Variants in VLDLR observed in about 807,000 individuals in gnomAD.
VLDLR encodes the protein very low-density lipoprotein receptor.
In VLDLR, 81 loss-of-function variants were observed where a neutral mutation model predicts 112.7. The observed-to-expected ratio is 0.72, with a 90% CI of 0.60 to 0.86. VLDLR has a LOEUF of 0.86. VLDLR is among the 40% of genes least tolerant of loss of function. The probability of loss-of-function intolerance (pLI) is 0.00; values close to 1 mark genes in which losing one functional copy is unlikely to be tolerated. For synonymous variants in VLDLR, 436 were observed against 384.8 expected (o/e 1.13, Z -1.56); for missense variants, 1,237 against 1,099.4 (o/e 1.13, Z -1.77).
chr9:2,632,932 A>G (rs1817422897), intron 1 of VLDLR, among the ~76,000 whole-genome samples: 1 of 152,150 alleles, frequency 6.6e-6, no homozygotes. Context: ...TTATAAAGCC[A>G]GCTTGTCTTC....
In VLDLR at chr9:2,654,205, A is replaced by G. The variant is rs778568814; in HGVS notation, c.*337A>G. The G allele has an allele frequency of 3.0e-6, 1 of 331,522 alleles. No homozygotes were observed. Among genetic ancestry groups the G allele is most frequent in the Non-Finnish European group, 5.8e-6 (1 of 173,866 alleles). The allele number at this position is 331,522 out of a possible 1,614,324, so 20.5% of individuals were successfully genotyped here. On this transcript the variant is annotated 3_prime_UTR_variant, in exon 19 of 19. Transcript: ENST00000382100. ...TATAGTGTATACCACCTGTACATAC[A>G]TTGTATAGGCCATCTGTAAATATCC...
chr9:2,624,282 T>C (rs749145043), intron 1 of VLDLR, among the ~76,000 whole-genome samples: 1 of 152,212 alleles, frequency 6.6e-6, no homozygotes, highest in African/African-American at 2.4e-5. Flanking sequence ...GAGGCAGTTA[T>C]TGACCCTAAA....
chr9:2,630,119 A>G (rs982625142), intron 1 of VLDLR, among the ~76,000 whole-genome samples: 1 of 152,148 alleles, frequency 6.6e-6, no homozygotes, highest in Non-Finnish European at 1.5e-5. Flanking sequence ...AATGTTTCAG[A>G]GGCTGACTTT....
intron 2 of VLDLR, 40 bp from the exon 3 acceptor site, chr9:2,639,819 A>G: frequency 6.2e-7 from 1 of 1,614,028 alleles, no homozygotes; most frequent in Non-Finnish European, 8.5e-7. Context: ...GGCTGTGGGT[A>G]AATGACTTCA....
intron 11 of VLDLR, among the ~76,000 whole-genome samples, chr9:2,647,062 T>C (rs1350202201): frequency 6.6e-6 from 1 of 152,112 alleles, no homozygotes; most frequent in Non-Finnish European, 1.5e-5. Flanking sequence ...CTAAGTAACA[T>C]AGAAGAGCAG....
At chr9:2,648,942 C>T in intron 14 of VLDLR, 132 bp downstream of exon 14, 1 of 1,106,624 alleles carries the variant, frequency 9.0e-7, no homozygotes, top group Non-Finnish European at 1.3e-6. Flanking sequence ...TGTACCCTAC[C>T]TTAAACATTT....
rs1468415070 is a variant in VLDLR at position 2,644,319 on chromosome 9, C to T, written c.1066+360C>T. ...GACTATAGGCGCCCACCACCACGCC[C>T]GGCTAATTTTTTTTTTTTTTTTTGT... On this transcript the variant is annotated intron_variant, in intron 7 of 18. Transcript: ENST00000382100. Among the ~76,000 whole-genome samples, 8 of 127,274 alleles carry T rather than the reference C, an allele frequency of 6.3e-5. No individual in the cohort carries two copies. In the South Asian group the frequency reaches 7.9e-4, roughly 13 times the overall value. The allele number at this position is 127,274 out of a possible 152,430, so 83.5% of individuals were successfully genotyped here. A position where few individuals can be genotyped will look rare whatever the true frequency, so the allele number is the denominator to read the frequency against.
intron 14 of VLDLR, 119 bp from the exon 15 acceptor site, chr9:2,650,251 A>G (rs1818260568): frequency 7.4e-6 from 9 of 1,213,512 alleles, no homozygotes; most frequent in Non-Finnish European, 1.1e-5. Flanking sequence ...AAGGATTAGC[A>G]GAGTAGACAA....
At chr9:2,651,122 T>C (rs1047603483) in intron 15 of VLDLR, among the ~76,000 whole-genome samples, 1 of 152,188 alleles carries the variant, frequency 6.6e-6, no homozygotes, top group Non-Finnish European at 1.5e-5. Context: ...TGAGAACATT[T>C]CTCGTAGTTT....
Position 2,654,871 on chromosome 9 carries a change from A to G in VLDLR, c.*1003A>G, listed in dbSNP as rs1394916256. 1 of 150,722 alleles carries G rather than the reference A, an allele frequency of 6.6e-6. No homozygotes were observed. Among genetic ancestry groups the G allele is most frequent in the Middle Eastern group, 3.2e-3 (1 of 314 alleles). The allele number at this position is 150,722 out of a possible 1,614,324, so 9.3% of individuals were successfully genotyped here. On this transcript the variant is annotated 3_prime_UTR_variant, in exon 19 of 19. Coordinates refer to ENST00000382100, the MANE Select transcript of VLDLR (RefSeq NM_003383.5). ...AGGACAAGTGCCTTCTAAGGCATGG[A>G]TAAGGGCTTTCTTCTTATGAAAGTC...
Position 2,647,457 on chromosome 9 carries a change from C to T in VLDLR, c.1704-17C>T, listed in dbSNP as rs149818793. On this transcript the variant is annotated splice_polypyrimidine_tract_variant and intron_variant, in intron 11 of 18. Coordinates refer to ENST00000382100, the MANE Select transcript of VLDLR (RefSeq NM_003383.5). ...TTCTAAACCACTGAGGCTTATTTCT[C>T]ATTTAATTTTTCACAGCTTTGTTTA... 81 of 1,604,474 alleles carry T rather than the reference C, an allele frequency of 5.0e-5. No individual in the cohort carries two copies. In the African/African-American group the frequency reaches 9.8e-4, roughly 19 times the overall value.
chr9:2,626,768 A>G (rs1044908728), intron 1 of VLDLR, among the ~76,000 whole-genome samples: 2 of 151,806 alleles, frequency 1.3e-5, no homozygotes, highest in African/African-American at 4.8e-5. Flanking sequence ...ACCAAGGGAC[A>G]TAACAAAGCC....
chr9:2,634,142 T>G (rs556186950), intron 1 of VLDLR, among the ~76,000 whole-genome samples: 5 of 152,242 alleles, frequency 3.3e-5, no homozygotes, highest in African/African-American at 1.2e-4. Context: ...ACCCATATGG[T>G]CATCTTGATT....
chr9:2,634,519 C>T (rs1397915937), intron 1 of VLDLR, among the ~76,000 whole-genome samples: 1 of 152,218 alleles, frequency 6.6e-6, no homozygotes, highest in East Asian at 1.9e-4. Flanking sequence ...ATAGGAAGCA[C>T]CTGAACATTA....
intron 9 of VLDLR, 127 bp downstream of exon 9, chr9:2,645,209 A>G (rs1818014875): frequency 2.9e-6 from 4 of 1,377,194 alleles, no homozygotes; most frequent in Middle Eastern, 2.0e-4. Flanking sequence ...TGCTAACCTC[A>G]TAATACAGCA....
chr9:2,648,506 G>C (rs1818169109), intron 13 of VLDLR, among the ~76,000 whole-genome samples, 159 bp downstream of exon 13: 1 of 152,190 alleles, frequency 6.6e-6, no homozygotes, highest in East Asian at 1.9e-4. Flanking sequence ...AGTCCCAGAA[G>C]CACTCCACAC....
At position 2,654,886 on chromosome 9, in the gene VLDLR, T is replaced by C. The variant is rs1313414335; in HGVS notation, c.*1018T>C. ...TAAGGCATGGATAAGGGCTTTCTTC[T>C]TATGAAAGTCTAGACTGTCTTACTG... On this transcript the variant is annotated 3_prime_UTR_variant, in exon 19 of 19. Coordinates refer to ENST00000382100, the MANE Select transcript of VLDLR (RefSeq NM_003383.5). 1 of 147,184 alleles carries C rather than the reference T, an allele frequency of 6.8e-6. No individual in the cohort carries two copies. The highest frequency in any genetic ancestry group is 2.5e-5 in the African/African-American group (1 of 40,574). 9.1% of individuals were successfully genotyped at this position (147,184 alleles called of 1,614,324 possible).
rs1818082933 is a variant in VLDLR, at chr9:2,646,525, C to T, written c.1676C>T (p.Ala559Val). 6.2e-7 allele frequency: 1 copy of T among 1,614,106 alleles called. No individual in the cohort carries two copies. The highest frequency in any genetic ancestry group is 8.5e-7 in the Non-Finnish European group (1 of 1,180,014). Residue 559 changes from alanine (A) to valine (V), a missense_variant, in exon 11 of 19, where the codon GCC becomes GTC. Coordinates refer to ENST00000382100, the MANE Select transcript of VLDLR (RefSeq NM_003383.5). ...FLFNSDLREP[A>V]SIAVDPLSGF... Reference sequence around the variant, plus strand: ...TTTAACTCTGACTTGCGAGAGCCTGCCTCCATAGCTGTGGACCCACTGTCT... The same window carrying T: ...TTTAACTCTGACTTGCGAGAGCCTGTCTCCATAGCTGTGGACCCACTGTCT...
At position 2,638,056 on chromosome 9, in the gene VLDLR, A is replaced by G. The variant is rs142816086; in HGVS notation, c.203-1803A>G. The stretch of plus-strand genomic sequence containing the variant: ...GCTTCCAAAGAATATCACAGGTTGA[A>G]TTATAGCAACTAACCCTGCAGACCC... On this transcript the variant is annotated intron_variant, in intron 2 of 18. Coordinates refer to ENST00000382100, the MANE Select transcript of VLDLR (RefSeq NM_003383.5). 1.7e-3 allele frequency among the ~76,000 whole-genome samples: 264 copies of G among 152,334 alleles called. 1 individual carries two copies. The highest frequency in any genetic ancestry group is 0.014 in the Middle Eastern group (4 of 294).
Sources: gnomAD v4.1 joint callset for allele counts (sites outside exome capture counted in the v4.1 genomes callset) on GRCh38, gnomAD v4.1.1 for gene constraint, MANE v1.5 for transcripts, NCBI Gene and HGNC (gene_info 2026-07-23, HGNC 2026-07-21) for gene names.